ZKSCAN8: variants seen among roughly 807,000 people sequenced by gnomAD.
ZKSCAN8 encodes zinc finger with KRAB and SCAN domains 8, also known as zinc finger protein with KRAB and SCAN domains 8.
ZKSCAN8 carries 27 observed loss-of-function variants against 57.2 expected under a neutral mutation model. The ratio of observed to expected loss-of-function variants is 0.47; its 90% CI spans 0.35 to 0.65. The LOEUF (loss-of-function observed/expected upper bound fraction) is 0.65, where lower values mean the gene tolerates loss of function less well. Among genes scored for constraint, ZKSCAN8 ranks in the 30% least tolerant of loss-of-function variants. The pLI, the probability that ZKSCAN8 is intolerant of heterozygous loss-of-function variation, is 0.01. For missense variants in ZKSCAN8, 597 were observed against 696.3 expected, an observed-to-expected ratio of 0.86 and a Z score of 1.60; for synonymous variants, 214 against 248.7, an observed-to-expected ratio of 0.86 and a Z score of 1.31.
At position 28,152,956 on chromosome 6, in the gene ZKSCAN8, T is replaced by G; in HGVS notation, c.776-100T>G. On this transcript the variant is annotated intron_variant, in intron 5 of 5. Coordinates refer to ENST00000330236, the MANE Select transcript of ZKSCAN8 (RefSeq NM_006298.4). ...TTTTGTGTTTACTTATAGCTGTTCA[T>G]GTGTACTTTCCTTTTCCCCTATCTT... 5.3e-6 allele frequency: 8 copies of G among 1,508,690 alleles called. 1 individual carries two copies. The highest frequency in any genetic ancestry group is 4.5e-5 in the East Asian group (2 of 44,270). 93.5% of individuals were successfully genotyped at this position (1,508,690 alleles called of 1,614,324 possible).
Position 28,145,782 on chromosome 6 carries a change from G to T in ZKSCAN8, c.-92-2534G>T, listed in dbSNP as rs1054491690. 2.6e-5 allele frequency among the ~76,000 whole-genome samples: 4 copies of T among 152,158 alleles called. No individual in the cohort carries two copies. In the South Asian group the frequency reaches 8.3e-4, roughly 32 times the overall value. The stretch of plus-strand genomic sequence containing the variant: ...TCACATGACCTTCTCCTTTCTCAGA[G>T]TCTGTCTCTGTGTCTTTTTTCCTTT... On this transcript the variant is annotated intron_variant, in intron 1 of 5. Transcript: ENST00000330236.
rs552440884 is a variant in ZKSCAN8 at position 28,154,336 on chromosome 6, T to A, written c.*319T>A. Reference sequence around the variant, plus strand: ...ACTTTGTCTTTTGGGTGAGTAGCTATAGGTTTGAGAGAGGCTGGCTACTCC... The same window carrying A: ...ACTTTGTCTTTTGGGTGAGTAGCTAAAGGTTTGAGAGAGGCTGGCTACTCC... On this transcript the variant is annotated 3_prime_UTR_variant, in exon 6 of 6. Coordinates refer to ENST00000330236, the MANE Select transcript of ZKSCAN8 (RefSeq NM_006298.4). The A allele has an allele frequency of 7.7e-4, 172 of 223,558 alleles. No individual in the cohort carries two copies. Among genetic ancestry groups the A allele is most frequent in the Admixed American group, 2.2e-3 (43 of 19,750 alleles). The allele number at this position is 223,558 out of a possible 1,614,324, so 13.8% of individuals were successfully genotyped here.
At position 28,152,119 on chromosome 6, in the gene ZKSCAN8, T is replaced by C. The variant is rs1036889728; in HGVS notation, c.652-142T>C. On this transcript the variant is annotated intron_variant, in intron 4 of 5. Transcript: ENST00000330236. ...CCAGTAAATCTCATGCATTTTCCTC[T>C]TCTTCCTAGCTATTCAGATCCCTTT... 21 of 1,409,254 alleles carry C rather than the reference T, an allele frequency of 1.5e-5. No homozygotes were observed. The African/African-American group carries it at 2.9e-4, about 19-fold the overall frequency. 87.3% of individuals were successfully genotyped at this position (1,409,254 alleles called of 1,614,324 possible).
At position 28,151,913 on chromosome 6, in the gene ZKSCAN8, A is replaced by G. The variant is rs760397894; in HGVS notation, c.628A>G (p.Thr210Ala). 1.2e-6 allele frequency: 2 copies of G among 1,614,136 alleles called. No homozygotes were observed. Among genetic ancestry groups the G allele is most frequent in the East Asian group, 2.2e-5 (1 of 44,878 alleles). ...TTCTGGAGACCAGGAAATGACAGCTACACTTCTCACAGCAGGGTTCCAGGT... is the reference window on the plus strand; with the variant it reads ...TTCTGGAGACCAGGAAATGACAGCTGCACTTCTCACAGCAGGGTTCCAGGT... ...GSSGDQEMTA[T>A]LLTAGFQTLE... is the part of the protein sequence containing the mutation. The change falls in exon 4 of 6, where the codon ACA (threonine) becomes GCA (alanine). Residue 210 changes from threonine to alanine, a missense_variant. By Grantham distance (58) the Thr-to-Ala change is moderately conservative. Transcript: ENST00000330236.
In ZKSCAN8 at chr6:28,157,147, A is replaced by T. The variant is rs1561827041; in HGVS notation, c.*3130A>T. Reference sequence around the variant, plus strand: ...CTCACAATCATGGTGGAAGGCAAGGAGGAGCAAATCATGTCTTATACATGG... The same window carrying T: ...CTCACAATCATGGTGGAAGGCAAGGTGGAGCAAATCATGTCTTATACATGG... On this transcript the variant is annotated 3_prime_UTR_variant, in exon 6 of 6. Coordinates refer to ENST00000330236, the MANE Select transcript of ZKSCAN8 (RefSeq NM_006298.4). The T allele has an allele frequency of 6.6e-6, 1 of 152,608 alleles. No homozygotes were observed. The highest frequency in any genetic ancestry group is 1.5e-5 in the Non-Finnish European group (1 of 68,372). 9.5% of individuals were successfully genotyped at this position (152,608 alleles called of 1,614,324 possible). A position where few individuals can be genotyped will look rare whatever the true frequency, so the allele number is the denominator to read the frequency against.
At position 28,156,151 on chromosome 6, in the gene ZKSCAN8, ATG is replaced by A. The variant is rs2113603918; in HGVS notation, c.*2138_*2139del. Reference sequence around the variant, plus strand: ...GGGTGCATTGTCAGAGGGAAAATATATGTGTATGTACACATGTGTATGTACAC... The same window carrying A: ...GGGTGCATTGTCAGAGGGAAAATATATGTATGTACACATGTGTATGTACAC... On this transcript the variant is annotated 3_prime_UTR_variant, in exon 6 of 6. Coordinates refer to ENST00000330236, the MANE Select transcript of ZKSCAN8 (RefSeq NM_006298.4). 2.5e-6 allele frequency: 1 copy of A among 398,346 alleles called. No individual in the cohort carries two copies. Among genetic ancestry groups the A allele is most frequent in the Non-Finnish European group, 4.4e-6 (1 of 225,898 alleles). 24.7% of individuals were successfully genotyped at this position (398,346 alleles called of 1,614,324 possible).
rs1765524112 is a variant in ZKSCAN8, at chr6:28,149,563, T to A, written c.498T>A (p.Thr166=). ...CATCTGCACCAGAGCCTCCAAATAC[T>A]CAGCTCCAATCTGAGGCAACCCAAC... is the stretch of plus-strand genomic sequence containing the variant. The part of the protein sequence containing the change: ...HSASAPEPPN[T]QLQSEATQHK... The change falls in exon 3 of 6, where the codon ACT becomes ACA. Residue 166 remains threonine (T), a synonymous_variant. Transcript: ENST00000330236. The A allele has an allele frequency of 3.7e-6, 6 of 1,613,944 alleles. No homozygotes were observed. In the Admixed American group the frequency reaches 1.0e-4, roughly 27 times the overall value.
rs923396688 is a variant in ZKSCAN8 at position 28,158,443 on chromosome 6, G to T, written c.*4426G>T. The T allele has an allele frequency of 6.6e-6, 1 of 152,104 alleles. No homozygotes were observed. Among genetic ancestry groups the T allele is most frequent in the Non-Finnish European group, 1.5e-5 (1 of 68,030 alleles). 9.4% of individuals were successfully genotyped at this position (152,104 alleles called of 1,614,324 possible). A position where few individuals can be genotyped will look rare whatever the true frequency, so the allele number is the denominator to read the frequency against. On this transcript the variant is annotated 3_prime_UTR_variant, in exon 6 of 6. Transcript: ENST00000330236. ...TGTACAACTTGATATTTGAAAACAG[G>T]ATTCATCACCATATATCCCCAGCCC...
chr6:28,152,005 A>G, intron 4 of ZKSCAN8, 69 bp downstream of exon 4: 2 of 1,556,400 alleles, frequency 1.3e-6, no homozygotes, highest in Non-Finnish European at 1.8e-6. Context: ...TCTGCCCTAT[A>G]TCTTGACTGT....
In ZKSCAN8 at chr6:28,153,948, T is replaced by G; in HGVS notation, c.1668T>G (p.Ile556Met). The G allele has an allele frequency of 6.2e-7, 1 of 1,613,938 alleles. No homozygotes were observed. The highest frequency in any genetic ancestry group is 8.5e-7 in the Non-Finnish European group (1 of 1,179,928). The stretch of plus-strand genomic sequence containing the variant: ...GTAATGAGTGTGGGAAAGCCTTTAT[T>G]CAGAGGTCAAGTCTCATTCGACATC... ...YQCNECGKAF[I>M]QRSSLIRHQR... is the part of the protein sequence containing the mutation. The change falls in exon 6 of 6, where the codon ATT (isoleucine) becomes ATG (methionine). Residue 556 changes from isoleucine (I) to methionine (M), a missense_variant. Transcript: ENST00000330236.
At position 28,154,194 on chromosome 6, in the gene ZKSCAN8, G is replaced by T. The variant is rs1235011249; in HGVS notation, c.*177G>T. 1 of 815,960 alleles carries T rather than the reference G, an allele frequency of 1.2e-6. No homozygotes were observed. Among genetic ancestry groups the T allele is most frequent in the Non-Finnish European group, 1.8e-6 (1 of 542,166 alleles). 50.5% of individuals were successfully genotyped at this position (815,960 alleles called of 1,614,324 possible). On this transcript the variant is annotated 3_prime_UTR_variant, in exon 6 of 6. Transcript: ENST00000330236. Reference sequence around the variant, plus strand: ...ATTTGGGCCCAGTGCCTTGGTGAAGGTTGATTAGCTTGACTGTCTTTGAAA... The same window carrying T: ...ATTTGGGCCCAGTGCCTTGGTGAAGTTTGATTAGCTTGACTGTCTTTGAAA...
rs549225167 is a variant in ZKSCAN8 at position 28,156,474 on chromosome 6, G to T, written c.*2457G>T. On this transcript the variant is annotated 3_prime_UTR_variant, in exon 6 of 6. Coordinates refer to ENST00000330236, the MANE Select transcript of ZKSCAN8 (RefSeq NM_006298.4). ...TAGTGTTATATTGGGTGTGAGAAAAGACTGTGTCTTGAAAGAATTATCAAA... is the reference window on the plus strand; with the variant it reads ...TAGTGTTATATTGGGTGTGAGAAAATACTGTGTCTTGAAAGAATTATCAAA... 1 of 344,554 alleles carries T rather than the reference G, an allele frequency of 2.9e-6. No individual in the cohort carries two copies. The highest frequency in any genetic ancestry group is 5.2e-6 in the Non-Finnish European group (1 of 191,960). The allele number at this position is 344,554 out of a possible 1,614,324, so 21.3% of individuals were successfully genotyped here. A position where few individuals can be genotyped will look rare whatever the true frequency, so the allele number is the denominator to read the frequency against.
In ZKSCAN8 at chr6:28,156,449, T is replaced by A. The variant is rs1765785439; in HGVS notation, c.*2432T>A. On this transcript the variant is annotated 3_prime_UTR_variant, in exon 6 of 6. Transcript: ENST00000330236. ...GAGAAAATAATATGACTAGAAAAAT[T>A]AGTGTTATATTGGGTGTGAGAAAAG... 1 of 370,532 alleles carries A rather than the reference T, an allele frequency of 2.7e-6. No individual in the cohort carries two copies. The highest frequency in any genetic ancestry group is 4.8e-6 in the Non-Finnish European group (1 of 208,260). The allele number at this position is 370,532 out of a possible 1,614,324, so 23.0% of individuals were successfully genotyped here.
chr6:28,151,044 G>T (rs948371994), intron 3 of ZKSCAN8, among the ~76,000 whole-genome samples: 1 of 152,088 alleles, frequency 6.6e-6, no homozygotes, highest in Non-Finnish European at 1.5e-5. Context: ...AGCCTCAAGC[G>T]ATCTGCCCAC....
In ZKSCAN8 at chr6:28,153,888, C is replaced by G. The variant is rs1765691968; in HGVS notation, c.1608C>G (p.His536Gln). Residue 536 changes from histidine (H) to glutamine (Q), a missense_variant, in exon 6 of 6, where the codon CAC becomes CAG. By Grantham distance (24) the His-to-Gln change is conservative. Coordinates refer to ENST00000330236, the MANE Select transcript of ZKSCAN8 (RefSeq NM_006298.4). The part of the protein sequence containing the change: ...AFNGNTGLIQ[H>Q]LRIHTGEKPY... The stretch of plus-strand genomic sequence containing the variant: ...ATGGGAACACTGGTCTCATTCAACA[C>G]CTGAGAATTCACACAGGGGAGAAGC... The G allele has an allele frequency of 6.2e-7, 1 of 1,613,766 alleles. No homozygotes were observed. Among genetic ancestry groups the G allele is most frequent in the Non-Finnish European group, 8.5e-7 (1 of 1,179,914 alleles).
Position 28,149,478 on chromosome 6 carries a change from T to A in ZKSCAN8, c.418-5T>A. The A allele has an allele frequency of 6.2e-7, 1 of 1,613,552 alleles. No individual in the cohort carries two copies. The highest frequency in any genetic ancestry group is 8.5e-7 in the Non-Finnish European group (1 of 1,179,804). On this transcript the variant is annotated splice_region_variant and splice_polypyrimidine_tract_variant and intron_variant, in intron 2 of 5. Transcript: ENST00000330236. Reference sequence around the variant, plus strand: ...CCTTATTATCCAACTGTCTGTTGTTTCCAGGTCTCAGCTCGCGTACATGGA... The same window carrying A: ...CCTTATTATCCAACTGTCTGTTGTTACCAGGTCTCAGCTCGCGTACATGGA...
In ZKSCAN8 at chr6:28,158,036, C is replaced by T. The variant is rs1197032068; in HGVS notation, c.*4019C>T. The T allele has an allele frequency of 6.6e-6, 1 of 152,088 alleles. No individual in the cohort carries two copies. Among genetic ancestry groups the T allele is most frequent in the African/African-American group, 2.4e-5 (1 of 41,412 alleles). 9.4% of individuals were successfully genotyped at this position (152,088 alleles called of 1,614,324 possible). A position where few individuals can be genotyped will look rare whatever the true frequency, so the allele number is the denominator to read the frequency against. On this transcript the variant is annotated 3_prime_UTR_variant, in exon 6 of 6. Transcript: ENST00000330236. ...CTTTTTCATTAATCTGTTCTTAAAA[C>T]TTCTTTTTACTGGCTTTCATACTTA... is the stretch of plus-strand genomic sequence containing the variant.
Position 28,156,430 on chromosome 6 carries a change from A to G in ZKSCAN8, c.*2413A>G. 1 of 386,164 alleles carries G rather than the reference A, an allele frequency of 2.6e-6. No individual in the cohort carries two copies. The highest frequency in any genetic ancestry group is 4.6e-6 in the Non-Finnish European group (1 of 218,252). 23.9% of individuals were successfully genotyped at this position (386,164 alleles called of 1,614,324 possible). On this transcript the variant is annotated 3_prime_UTR_variant, in exon 6 of 6. Transcript: ENST00000330236. ...AGCATGTGGCATAAATTTGGAGAAA[A>G]TAATATGACTAGAAAAATTAGTGTT... is the stretch of plus-strand genomic sequence containing the variant.
chr6:28,149,611 G>A lies in ZKSCAN8; in HGVS notation c.546G>A (p.Glu182=). ...AACATAAATCTCCAGTGCCCCAAGA[G>A]TCACAAGAGAGAGGTGAGTAGCCAG... The part of the protein sequence containing the change: ...ATQHKSPVPQ[E]SQERAMSTSQ... Residue 182 remains glutamate (E), a synonymous_variant, in exon 3 of 6, where the codon GAG becomes GAA. Transcript: ENST00000330236. The A allele has an allele frequency of 6.2e-7, 1 of 1,613,990 alleles. No individual in the cohort carries two copies. The highest frequency in any genetic ancestry group is 8.5e-7 in the Non-Finnish European group (1 of 1,179,960).
Sources: gnomAD v4.1 joint callset for allele counts (sites outside exome capture counted in the v4.1 genomes callset) on GRCh38, gnomAD v4.1.1 for gene constraint, MANE v1.5 for transcripts, NCBI Gene and HGNC (gene_info 2026-07-23, HGNC 2026-07-21) for gene names.